DPT: variants seen among roughly 807,000 people sequenced by gnomAD.
DPT encodes tyrosine-rich acidic matrix protein.
In DPT, 21 loss-of-function variants were observed where a neutral mutation model predicts 31.2. The ratio of observed to expected loss-of-function variants is 0.67; its 90% CI spans 0.48 to 0.97. DPT has a LOEUF of 0.97. Among genes scored for constraint, DPT ranks in the 50% least tolerant of loss-of-function variants. DPT has a pLI of 0.00. For missense variants in DPT, 262 were observed against 258.8 expected, an observed-to-expected ratio of 1.01 and a Z score of -0.08; for synonymous variants, 91 against 86.9, an observed-to-expected ratio of 1.05 and a Z score of -0.26.
intron 1 of DPT, among the ~76,000 whole-genome samples, chr1:168,727,548 T>C (rs1000747789): frequency 6.6e-6 from 1 of 150,790 alleles, no homozygotes; most frequent in African/African-American, 2.4e-5. Flanking sequence ...TCTTTTTTTT[T>C]TTTTTTTGAG....
intron 2 of DPT, among the ~76,000 whole-genome samples, chr1:168,710,664 A>T (rs1444869256): frequency 6.6e-6 from 1 of 152,146 alleles, no homozygotes; most frequent in Non-Finnish European, 1.5e-5. Context: ...ATTGCATCTA[A>T]GGGAGCTTGA....
At chr1:168,699,767 G>A (rs1418938561) in intron 3 of DPT, among the ~76,000 whole-genome samples, 1 of 151,916 alleles carries the variant, frequency 6.6e-6, no homozygotes, top group African/African-American at 2.4e-5. Context: ...AATATTTATT[G>A]GTAACTTTTC....
chr1:168,702,024 C>T (rs899662282), intron 2 of DPT, among the ~76,000 whole-genome samples: 10 of 151,778 alleles, frequency 6.6e-5, no homozygotes, highest in Non-Finnish European at 1.0e-4. Context: ...TGAGTAGGTC[C>T]ATGGTAGTCC....
At chr1:168,697,841 G>T (rs373878017) in intron 3 of DPT, among the ~76,000 whole-genome samples, 15 of 152,112 alleles carry the variant, frequency 9.9e-5, no homozygotes, top group African/African-American at 3.4e-4. Context: ...TTTCAGATTC[G>T]CAGTTTATTG....
At chr1:168,706,699 A>G (rs140877733) in intron 2 of DPT, among the ~76,000 whole-genome samples, 2 of 152,330 alleles carry the variant, frequency 1.3e-5, no homozygotes, top group East Asian at 1.9e-4. Flanking sequence ...GGGACTTTAC[A>G]TTTCAAACAT....
intron 2 of DPT, among the ~76,000 whole-genome samples, chr1:168,711,504 G>A (rs1322342236): frequency 1.3e-5 from 2 of 152,182 alleles, no homozygotes; most frequent in Non-Finnish European, 2.9e-5. Flanking sequence ...GCCTTGCTGT[G>A]ATGAGGAATG....
chr1:168,704,095 T>C (rs922480560), intron 2 of DPT, among the ~76,000 whole-genome samples: 4 of 152,238 alleles, frequency 2.6e-5, no homozygotes, highest in Non-Finnish European at 5.9e-5. Context: ...GATCAGGGTT[T>C]CCTAAGCTGT....
At chr1:168,714,837 G>A (rs565964290) in intron 1 of DPT, among the ~76,000 whole-genome samples, 30 of 152,296 alleles carry the variant, frequency 2.0e-4, no homozygotes, top group Middle Eastern at 3.4e-3. Flanking sequence ...ATGATCATTC[G>A]TTCTGCCCCT....
chr1:168,719,705 G>A (rs945220817), intron 1 of DPT, among the ~76,000 whole-genome samples: 2 of 151,902 alleles, frequency 1.3e-5, no homozygotes, highest in Non-Finnish European at 2.9e-5. Flanking sequence ...TAACATGACC[G>A]CAGCTCTAAG....
chr1:168,700,691 C>T (rs754461623), intron 3 of DPT, among the ~76,000 whole-genome samples: 1 of 152,156 alleles, frequency 6.6e-6, no homozygotes, highest in Non-Finnish European at 1.5e-5. Context: ...CTTGAGCAGG[C>T]TGGAATCCAC....
intron 1 of DPT, among the ~76,000 whole-genome samples, chr1:168,722,073 C>T (rs563246317): frequency 6.6e-6 from 1 of 152,272 alleles, no homozygotes; most frequent in South Asian, 2.1e-4. Flanking sequence ...GAGGCTTCCC[C>T]TAAGGCCTCT....
chr1:168,697,849 T>C (rs556967079), intron 3 of DPT, among the ~76,000 whole-genome samples: 2 of 152,316 alleles, frequency 1.3e-5, no homozygotes, highest in East Asian at 3.9e-4. Flanking sequence ...TCGCAGTTTA[T>C]TGTACTCAAA....
intron 1 of DPT, among the ~76,000 whole-genome samples, chr1:168,717,475 T>C (rs1650008194): frequency 6.6e-6 from 1 of 152,144 alleles, no homozygotes; most frequent in African/African-American, 2.4e-5. Flanking sequence ...AGATGGGTAG[T>C]TTGCAAAAAT....
At chr1:168,726,678 G>A (rs868741174) in intron 1 of DPT, among the ~76,000 whole-genome samples, 13 of 152,342 alleles carry the variant, frequency 8.5e-5, no homozygotes, top group Middle Eastern at 3.4e-3. Context: ...AAAAACGGCT[G>A]TTAGAAAGGA....
intron 1 of DPT, among the ~76,000 whole-genome samples, chr1:168,722,684 CACA>C (rs993861858): frequency 6.6e-6 from 1 of 152,092 alleles, no homozygotes; most frequent in African/African-American, 2.4e-5. Flanking sequence ...ATTTAATTCT[CACA>C]ACAACAGTTC....
intron 3 of DPT, among the ~76,000 whole-genome samples, chr1:168,697,882 C>T (rs1006658697): frequency 2.0e-5 from 3 of 152,210 alleles, no homozygotes; most frequent in African/African-American, 7.2e-5. Flanking sequence ...TCTTAAACCA[C>T]ACAGTCTGCC....
intron 1 of DPT, among the ~76,000 whole-genome samples, chr1:168,720,862 T>C (rs1288268878): frequency 6.6e-6 from 1 of 152,258 alleles, no homozygotes; most frequent in African/African-American, 2.4e-5. Context: ...AGAATAATTC[T>C]TTGAGTTGCT....
chr1:168,697,745 C>G (rs1166430424), intron 3 of DPT, among the ~76,000 whole-genome samples: 1 of 152,128 alleles, frequency 6.6e-6, no homozygotes, highest in Non-Finnish European at 1.5e-5. Context: ...TCTTTTAATC[C>G]TCACAACGAT....
intron 1 of DPT, among the ~76,000 whole-genome samples, chr1:168,715,506 A>G (rs1162686070): frequency 1.3e-5 from 2 of 152,354 alleles, no homozygotes; most frequent in African/African-American, 4.8e-5. Flanking sequence ...AGAATTTTAC[A>G]TCTAGAATTT....
Sources: allele counts gnomAD v4.1 joint callset (sites outside exome capture counted in the v4.1 genomes callset), GRCh38; gene constraint gnomAD v4.1.1; transcripts MANE v1.5; gene names NCBI Gene and HGNC (gene_info 2026-07-23, HGNC 2026-07-21).